GRXCR1: variants seen among roughly 807,000 people sequenced by gnomAD.
GRXCR1 encodes the protein glutaredoxin domain-containing cysteine-rich protein 1.
A neutral mutation model predicts 27.3 loss-of-function variants in GRXCR1; 27 were observed. The observed-to-expected ratio is 0.99, with a 90% CI of 0.73 to 1.37. The LOEUF is 1.37. GRXCR1 is among the 40% of genes most tolerant of loss of function. The pLI, the probability that GRXCR1 is intolerant of heterozygous loss-of-function variation, is 0.00. For synonymous variants in GRXCR1, 122 were observed against 131.1 expected (o/e 0.93, Z 0.47); for missense variants, 379 against 354.4 (o/e 1.07, Z -0.56).
At chr4:43,005,976 A>C (rs1249427614) in intron 2 of GRXCR1, among the ~76,000 whole-genome samples, 1 of 152,204 alleles carries the variant, frequency 6.6e-6, no homozygotes, top group Non-Finnish European at 1.5e-5. Context: ...ATGGCAGAAG[A>C]ATGTGGATTG....
rs1408229644 is a variant in GRXCR1 at position 42,893,402 on chromosome 4, T to G, written c.136T>G (p.Cys46Gly). The G allele has an allele frequency of 6.2e-7, 1 of 1,613,850 alleles. No homozygotes were observed. Among genetic ancestry groups the G allele is most frequent in the Non-Finnish European group, 8.5e-7 (1 of 1,179,822 alleles). ...ACCGTCAGGCTCTCTGGATTCTGAATGTGCCAGTATCTGTGGGATAGATGG... is the reference window on the plus strand; with the variant it reads ...ACCGTCAGGCTCTCTGGATTCTGAAGGTGCCAGTATCTGTGGGATAGATGG... ...GQPSGSLDSECASICGIDGLG... is the reference protein window; with the variant it reads ...GQPSGSLDSEGASICGIDGLG... The change falls in exon 1 of 4, where the codon TGT (cysteine) becomes GGT (glycine). Residue 46 changes from cysteine (C) to glycine (G), a missense_variant. Transcript: ENST00000399770.
intron 1 of GRXCR1, among the ~76,000 whole-genome samples, chr4:42,913,421 G>A (rs551354153): frequency 3.3e-5 from 5 of 152,224 alleles, no homozygotes; most frequent in South Asian, 2.1e-4. Flanking sequence ...AGGTGACCTC[G>A]CTACGCTTAA....
At chr4:42,932,458 A>ATTGCCG (rs1747335447) in intron 1 of GRXCR1, among the ~76,000 whole-genome samples, 2 of 27,250 alleles carry the variant, frequency 7.3e-5, no homozygotes, top group African/African-American at 1.2e-4. Context: ...GCAGTTTGCC[A>ATTGCCG]TCTCTTTATC....
intron 3 of GRXCR1, among the ~76,000 whole-genome samples, chr4:43,028,934 G>C (rs1321383344): frequency 6.6e-6 from 1 of 152,062 alleles, no homozygotes; most frequent in Non-Finnish European, 1.5e-5. Context: ...CTGTGATTCA[G>C]TGCCATTAGA....
At chr4:42,967,620 T>G (rs1001948504) in intron 2 of GRXCR1, among the ~76,000 whole-genome samples, 4 of 152,120 alleles carry the variant, frequency 2.6e-5, no homozygotes, top group African/African-American at 9.7e-5. Context: ...TTTAGTCATG[T>G]TTTTCTATTT....
intron 2 of GRXCR1, among the ~76,000 whole-genome samples, chr4:43,018,252 G>C (rs555685106): frequency 3.3e-4 from 50 of 152,302 alleles, no homozygotes; most frequent in African/African-American, 1.0e-3. Flanking sequence ...GGGCAGGGCA[G>C]GTAGGGTTGT....
intron 1 of GRXCR1, among the ~76,000 whole-genome samples, chr4:42,936,236 C>A (rs1423960212): frequency 2.0e-5 from 3 of 151,542 alleles, no homozygotes; most frequent in African/African-American, 7.3e-5. Flanking sequence ...TACTGTAGAC[C>A]AAAATTTGCT....
At chr4:43,012,803 G>A (rs1021617896) in intron 2 of GRXCR1, among the ~76,000 whole-genome samples, 1 of 151,934 alleles carries the variant, frequency 6.6e-6, no homozygotes, top group Non-Finnish European at 1.5e-5. Flanking sequence ...AAAAAACCTT[G>A]GTGAGCTTAA....
In GRXCR1 at chr4:42,893,546, A is replaced by T. The variant is rs1746281770; in HGVS notation, c.280A>T (p.Thr94Ser). The T allele has an allele frequency of 6.2e-7, 1 of 1,613,734 alleles. No homozygotes were observed. Among genetic ancestry groups the T allele is most frequent in the African/African-American group, 1.3e-5 (1 of 74,902 alleles). ...ARAASEKGFG[T>S]RRVNILSKNG... ...GGCTGCCAGTGAGAAGGGTTTTGGT[A>T]CAAGAAGAGTCAACATTTTAAGCAA... is the stretch of plus-strand genomic sequence containing the variant. Residue 94 changes from threonine to serine, a missense_variant, in exon 1 of 4, where the codon ACA becomes TCA. Coordinates refer to ENST00000399770, the MANE Select transcript of GRXCR1 (RefSeq NM_001080476.3).
At chr4:42,963,410 T>C (rs568037931) in intron 2 of GRXCR1, among the ~76,000 whole-genome samples, 1 of 152,000 alleles carries the variant, frequency 6.6e-6, no homozygotes, top group Admixed American at 6.6e-5. Context: ...AGTTTTGCAC[T>C]GTGAAGCTTG....
chr4:42,914,108 G>T (rs909049641), intron 1 of GRXCR1, among the ~76,000 whole-genome samples: 1 of 152,216 alleles, frequency 6.6e-6, no homozygotes, highest in Non-Finnish European at 1.5e-5. Flanking sequence ...GGAAATGTGG[G>T]GTGGGAGCCC....
chr4:43,001,738 C>T (rs369243318), intron 2 of GRXCR1, among the ~76,000 whole-genome samples: 5 of 152,312 alleles, frequency 3.3e-5, no homozygotes, highest in African/African-American at 7.2e-5. Context: ...AGAGAAGCAA[C>T]AGTGGGTCCA....
chr4:42,966,958 T>G (rs1016483856), intron 2 of GRXCR1, among the ~76,000 whole-genome samples: 1 of 152,116 alleles, frequency 6.6e-6, no homozygotes, highest in Non-Finnish European at 1.5e-5. Context: ...TTACTAGATA[T>G]GTCTTTTGCA....
intron 2 of GRXCR1, among the ~76,000 whole-genome samples, chr4:42,990,033 A>G (rs1404355030): frequency 6.6e-6 from 1 of 151,990 alleles, no homozygotes; most frequent in African/African-American, 2.4e-5. Flanking sequence ...AGTTGAGCAT[A>G]GTATATAGCA....
intron 2 of GRXCR1, among the ~76,000 whole-genome samples, chr4:42,965,840 C>T (rs994476095): frequency 1.3e-5 from 2 of 151,928 alleles, no homozygotes; most frequent in African/African-American, 4.8e-5. Flanking sequence ...AACAAGAGAA[C>T]ATTTTGTAGC....
chr4:42,965,758 C>T (rs1748224039), intron 2 of GRXCR1, among the ~76,000 whole-genome samples: 1 of 151,892 alleles, frequency 6.6e-6, no homozygotes, highest in Admixed American at 6.6e-5. Flanking sequence ...CAGACAGAAA[C>T]AGCCAGAGAA....
At chr4:42,896,681 A>G (rs1746352926) in intron 1 of GRXCR1, among the ~76,000 whole-genome samples, 1 of 152,122 alleles carries the variant, frequency 6.6e-6, no homozygotes, top group South Asian at 2.1e-4. Flanking sequence ...TTATTCTTAC[A>G]TGCACTAAGG....
rs1315047920 is a variant in GRXCR1, at chr4:42,949,373, AAAAC to A, written c.385-13516_385-13513del. ...CCATCTCAAAAAAAAAAAAAAAAAA[AAAAC>A]AACTTTAAAATTCATAAATCCTGTA... On this transcript the variant is annotated intron_variant, in intron 1 of 3. Transcript: ENST00000399770. Among the ~76,000 whole-genome samples, 249 of 150,716 alleles carry A rather than the reference AAAAC, an allele frequency of 1.7e-3. 3 individuals carry two copies. Among genetic ancestry groups the A allele is most frequent in the East Asian group, 0.015 (75 of 5,052 alleles).
chr4:42,904,761 A>G (rs1303781927), intron 1 of GRXCR1, among the ~76,000 whole-genome samples: 1 of 152,152 alleles, frequency 6.6e-6, no homozygotes, highest in Non-Finnish European at 1.5e-5. Flanking sequence ...GTATTCTGCT[A>G]GTCATTGAGG....
Sources: allele counts gnomAD v4.1 joint callset (sites outside exome capture counted in the v4.1 genomes callset), GRCh38; gene constraint gnomAD v4.1.1; transcripts MANE v1.5; gene names NCBI Gene and HGNC (gene_info 2026-07-23, HGNC 2026-07-21).